TMEM132B: variants seen among roughly 807,000 people sequenced by gnomAD.
TMEM132B encodes the protein transmembrane protein 132B.
A neutral mutation model predicts 90.8 loss-of-function variants in TMEM132B; 18 were observed. The ratio of observed to expected loss-of-function variants is 0.20; its 90% CI spans 0.14 to 0.29. The LOEUF (loss-of-function observed/expected upper bound fraction) is 0.29, where lower values mean the gene tolerates loss of function less well. Among genes scored for constraint, TMEM132B ranks in the 10% least tolerant of loss-of-function variants. TMEM132B has a pLI of 1.00. For synonymous variants in TMEM132B, 504 were observed against 523.3 expected, an observed-to-expected ratio of 0.96 and a Z score of 0.50; for missense variants, 1,096 against 1,326.8, an observed-to-expected ratio of 0.83 and a Z score of 2.70.
At chr12:125,293,576 G>T (rs1875596418) in intron 1 of TMEM132B, among the ~76,000 whole-genome samples, 1 of 152,260 alleles carries the variant, frequency 6.6e-6, no homozygotes, top group East Asian at 1.9e-4. Flanking sequence ...GCATTAATTT[G>T]CTTAGGATAA....
Position 125,350,947 on chromosome 12 carries a change from G to T in TMEM132B, c.959+604G>T, listed in dbSNP as rs950790656. On this transcript the variant is annotated intron_variant, in intron 2 of 8. Transcript: ENST00000682704. ...AGCAGGTACTATAAGAGGTGCAAAAGTGATCCTAGGGAGCTAGCCTTATGC... is the reference window on the plus strand; with the variant it reads ...AGCAGGTACTATAAGAGGTGCAAAATTGATCCTAGGGAGCTAGCCTTATGC... Among the ~76,000 whole-genome samples, 5 of 152,214 alleles carry T rather than the reference G, an allele frequency of 3.3e-5. No homozygotes were observed. In the East Asian group the frequency reaches 7.7e-4, roughly 23 times the overall value.
intron 5 of TMEM132B, among the ~76,000 whole-genome samples, chr12:125,619,355 TA>T (rs1566091259): frequency 3.3e-5 from 4 of 120,476 alleles, no homozygotes; most frequent in African/African-American, 1.1e-4. Flanking sequence ...TTTATTTATT[TA>T]TTTATTTATT....
chr12:125,654,104 G>C lies in TMEM132B; in HGVS notation c.2646G>C (p.Lys882Asn). The change falls in exon 9 of 9, where the codon AAG (lysine) becomes AAC (asparagine). Residue 882 changes from lysine to asparagine, a missense_variant. Transcript: ENST00000682704. The surrounding 1 kb of genome is among the most constrained non-coding windows in gnomAD (Gnocchi z 5.8). Reference protein sequence around the residue: ...DAFTSFPTQGKSPDPNNPSDL... With the variant: ...DAFTSFPTQGNSPDPNNPSDL... The stretch of plus-strand genomic sequence containing the variant: ...TTACAAGCTTCCCCACTCAAGGGAA[G>C]TCACCGGACCCCAATAATCCTAGTG... 6.2e-7 allele frequency: 1 copy of C among 1,614,218 alleles called. No individual in the cohort carries two copies. The highest frequency in any genetic ancestry group is 8.5e-7 in the Non-Finnish European group (1 of 1,180,040).
chr12:125,389,505 G>A (rs1414009931), intron 2 of TMEM132B, among the ~76,000 whole-genome samples: 1 of 151,950 alleles, frequency 6.6e-6, no homozygotes, highest in Non-Finnish European at 1.5e-5. Context: ...GCTGGCTCTG[G>A]CTCTTGTTAG....
intron 2 of TMEM132B, among the ~76,000 whole-genome samples, chr12:125,364,872 A>C (rs975989123): frequency 6.6e-6 from 1 of 151,952 alleles, no homozygotes; most frequent in Non-Finnish European, 1.5e-5. Flanking sequence ...ACCTTGCCAA[A>C]TTCACTTATC....
chr12:125,401,912 A>G (rs1311325996), intron 2 of TMEM132B, among the ~76,000 whole-genome samples: 1 of 152,216 alleles, frequency 6.6e-6, no homozygotes, highest in Non-Finnish European at 1.5e-5. Flanking sequence ...AGGGGTTGGC[A>G]ATTCCCGATC....
chr12:125,328,890 A>T (rs112649400), intron 1 of TMEM132B, among the ~76,000 whole-genome samples: 2,772 of 152,142 alleles, frequency 0.018, 94 homozygotes, highest in African/African-American at 0.063. Flanking sequence ...GCTCCAAACT[A>T]GACTAAACTC....
intron 1 of TMEM132B, among the ~76,000 whole-genome samples, chr12:125,193,157 G>A (rs879402332): frequency 6.6e-6 from 1 of 152,182 alleles, no homozygotes; most frequent in Non-Finnish European, 1.5e-5. Context: ...ACCATCAGCC[G>A]TCTGCCAAGT....
chr12:125,398,296 T>C (rs898461230), intron 2 of TMEM132B, among the ~76,000 whole-genome samples: 5 of 152,166 alleles, frequency 3.3e-5, no homozygotes, highest in African/African-American at 1.2e-4. Flanking sequence ...TTTTTATATA[T>C]GTGCCTTCTA....
At chr12:125,591,965 A>G (rs1885328028) in intron 5 of TMEM132B, among the ~76,000 whole-genome samples, 2 of 152,070 alleles carry the variant, frequency 1.3e-5, no homozygotes, top group Admixed American at 1.3e-4. Context: ...ACTTGGCCAT[A>G]TCTTTTTTTG....
chr12:125,305,723 T>C (rs999869767), intron 1 of TMEM132B, among the ~76,000 whole-genome samples: 1 of 152,196 alleles, frequency 6.6e-6, no homozygotes, highest in Non-Finnish European at 1.5e-5. Context: ...TGATTTATTA[T>C]TGTTTTGTTG....
intron 3 of TMEM132B, among the ~76,000 whole-genome samples, chr12:125,481,228 T>C (rs1341034566): frequency 1.3e-5 from 2 of 152,090 alleles, no homozygotes; most frequent in African/African-American, 4.8e-5. Flanking sequence ...CCACTCCTAT[T>C]CAACACAGTG....
chr12:125,264,287 C>A (rs1235691464), intron 1 of TMEM132B, among the ~76,000 whole-genome samples: 1 of 152,180 alleles, frequency 6.6e-6, no homozygotes, highest in Non-Finnish European at 1.5e-5. Context: ...TCCAGGATAT[C>A]CACCCCATCT....
At chr12:125,222,825 G>A (rs140424514) in intron 1 of TMEM132B, among the ~76,000 whole-genome samples, 51 of 152,340 alleles carry the variant, frequency 3.3e-4, no homozygotes, top group African/African-American at 1.2e-3. Context: ...TCTAGACATT[G>A]ACAAATGTCC....
At chr12:125,624,854 G>A (rs935884100) in intron 5 of TMEM132B, among the ~76,000 whole-genome samples, 4 of 152,104 alleles carry the variant, frequency 2.6e-5, no homozygotes, top group South Asian at 2.1e-4. Flanking sequence ...CATCGTGGTC[G>A]ATGTTTTGAT....
At chr12:125,280,775 G>C (rs1307188059) in intron 1 of TMEM132B, among the ~76,000 whole-genome samples, 1 of 152,230 alleles carries the variant, frequency 6.6e-6, no homozygotes, top group South Asian at 2.1e-4. Context: ...CAGCAGCACG[G>C]GGAATGCTCC....
chr12:125,487,768 C>T (rs941565758), intron 3 of TMEM132B, among the ~76,000 whole-genome samples: 1 of 152,132 alleles, frequency 6.6e-6, no homozygotes, highest in African/African-American at 2.4e-5. Flanking sequence ...ATGTTTTTGC[C>T]ATTTTCTACA....
In TMEM132B at chr12:125,554,427, TAAAAA is replaced by T. The variant is rs71447048; in HGVS notation, c.1294-29401_1294-29397del. Among the ~76,000 whole-genome samples the T allele has an allele frequency of 3.5e-3, 244 of 69,500 alleles. 9 individuals are homozygous for T. The South Asian group carries it at 0.085, about 24-fold the overall frequency. The allele number at this position is 69,500 out of a possible 152,430, so 45.6% of individuals were successfully genotyped here. On this transcript the variant is annotated intron_variant, in intron 4 of 8. Transcript: ENST00000682704. ...GCGACAAAGTGAGACTCCATTTCATTAAAAAAAAAAAAAAAAAAAAAAAAAAAGAT... is the reference window on the plus strand; with the variant it reads ...GCGACAAAGTGAGACTCCATTTCATTAAAAAAAAAAAAAAAAAAAAAAGAT...
At chr12:125,371,113 GGTAGGAAGCATCC>G (rs151025013) in intron 2 of TMEM132B, among the ~76,000 whole-genome samples, 10,189 of 152,178 alleles carry the variant, frequency 0.067, 483 homozygotes, top group Admixed American at 0.17. Flanking sequence ...GATGTTCGAG[GGTAGGAAGCATCC>G]AGCACAGGAG....
Sources: allele counts gnomAD v4.1 joint callset (sites outside exome capture counted in the v4.1 genomes callset), GRCh38; gene constraint gnomAD v4.1.1; non-coding constraint Gnocchi (gnomAD v3.1); transcripts MANE v1.5; gene names NCBI Gene and HGNC (gene_info 2026-07-23, HGNC 2026-07-21).